Variants in IKZF4 observed in about 807,000 individuals in gnomAD.
IKZF4 encodes zinc finger protein Eos.
A neutral mutation model predicts 47.7 loss-of-function variants in IKZF4; 11 were observed. The observed-to-expected ratio is 0.23, with a 90% confidence interval of 0.15 to 0.38. The LOEUF (loss-of-function observed/expected upper bound fraction) is 0.38, where lower values mean the gene tolerates loss of function less well. Ranked by LOEUF, IKZF4 falls within the 10% of genes least tolerant of loss-of-function variation. The probability of loss-of-function intolerance (pLI) is 1.00; values close to 1 mark genes in which losing one functional copy is unlikely to be tolerated. For missense variants in IKZF4, 557 were observed against 784.9 expected (o/e 0.71, Z 3.47); for synonymous variants, 298 against 299.4 (o/e 1.00, Z 0.05).
At chr12:56,023,179 C>T (rs753800964) in intron 1 of IKZF4, among the ~76,000 whole-genome samples, 3 of 152,196 alleles carry the variant, frequency 2.0e-5, no homozygotes, top group Non-Finnish European at 2.9e-5. Context: ...CAGCCTCAGC[C>T]GAATAAGCTG....
chr12:56,034,738 A>G lies in IKZF4; in HGVS notation c.1165A>G (p.Thr389Ala). 6.2e-7 allele frequency: 1 copy of G among 1,613,886 alleles called. No homozygotes were observed. The highest frequency in any genetic ancestry group is 2.2e-5 in the East Asian group (1 of 44,876). Residue 389 changes from threonine to alanine, a missense_variant, in exon 8 of 8, where the codon ACC becomes GCC. Coordinates refer to ENST00000547167, the MANE Select transcript of IKZF4 (RefSeq NM_022465.4). Reference sequence around the variant, plus strand: ...TCTGCGTCCCCTCCGCCTTCCACCCACCAATTGCATCTCAGAACTCACGCC... The same window carrying G: ...TCTGCGTCCCCTCCGCCTTCCACCCGCCAATTGCATCTCAGAACTCACGCC... ...EHLRPLRLPP[T>A]NCISELTPVI...
intron 6 of IKZF4, 104 bp from the exon 7 acceptor site, chr12:56,033,086 T>A: frequency 7.2e-7 from 1 of 1,394,782 alleles, no homozygotes; most frequent in South Asian, 1.3e-5. Context: ...AACTGGTATG[T>A]CCTTCCTTGG....
chr12:56,014,470 A>G (rs564117580), intron 2 of IKZF4, among the ~76,000 whole-genome samples: 2 of 152,330 alleles, frequency 1.3e-5, no homozygotes, highest in East Asian at 3.9e-4. Context: ...CCCTTCATTC[A>G]CACAGGCATT....
intron 3 of IKZF4, among the ~76,000 whole-genome samples, chr12:56,025,382 G>A (rs1316514048): frequency 2.0e-5 from 3 of 152,192 alleles, no homozygotes; most frequent in Admixed American, 1.3e-4. Flanking sequence ...AAAGAGGTAT[G>A]GGTGGGATTA....
intron 2 of IKZF4, among the ~76,000 whole-genome samples, chr12:56,012,770 T>C (rs1195342596): frequency 2.0e-5 from 3 of 152,132 alleles, no homozygotes; most frequent in Admixed American, 6.5e-5. Flanking sequence ...GTAATGTTGA[T>C]AGGAGAAAGC....
upstream of IKZF4, among the ~76,000 whole-genome samples, chr12:56,017,585 T>G (rs779547622): frequency 1.3e-5 from 2 of 152,154 alleles, no homozygotes; most frequent in Non-Finnish European, 2.9e-5. Flanking sequence ...CACTCTGGAT[T>G]AAGATAGTGT....
At chr12:56,015,519 G>A (rs768542531) in intron 2 of IKZF4, among the ~76,000 whole-genome samples, 2 of 151,848 alleles carry the variant, frequency 1.3e-5, no homozygotes, top group Admixed American at 6.6e-5. Flanking sequence ...TCAGCCTCCC[G>A]AGTAGATGGG....
rs769701154 is a variant in IKZF4 at position 56,027,016 on chromosome 12, C to G, written c.522C>G (p.Leu174=). 19 of 1,562,338 alleles carry G rather than the reference C, an allele frequency of 1.2e-5. No homozygotes were observed. The highest frequency in any genetic ancestry group is 1.6e-5 in the Non-Finnish European group (19 of 1,151,832). ...TGGTCTGTATTGGACCCAACGTGCTCATGGTGCACAAGCGCAGTCACACTG... is the reference window on the plus strand; with the variant it reads ...TGGTCTGTATTGGACCCAACGTGCTGATGGTGCACAAGCGCAGTCACACTG... ...CGMVCIGPNV[L]MVHKRSHTGE... is the part of the protein sequence containing the mutation. Residue 174 remains leucine (L), a synonymous_variant, in exon 4 of 8, where the codon CTC becomes CTG. Coordinates refer to ENST00000547167, the MANE Select transcript of IKZF4 (RefSeq NM_022465.4).
At chr12:56,013,549 T>A (rs1183898764) in intron 2 of IKZF4, among the ~76,000 whole-genome samples, 1 of 152,156 alleles carries the variant, frequency 6.6e-6, no homozygotes, top group Non-Finnish European at 1.5e-5. Flanking sequence ...GATACAAAAC[T>A]GTCTCATGTA....
At chr12:56,008,545 T>G (rs1178710855) in intron 1 of IKZF4, among the ~76,000 whole-genome samples, 2 of 152,068 alleles carry the variant, frequency 1.3e-5, no homozygotes, top group African/African-American at 4.8e-5. Flanking sequence ...TTAAAAAAAA[T>G]TATGACTAGT....
intron 5 of IKZF4, among the ~76,000 whole-genome samples, chr12:56,028,614 A>T (rs982788777): frequency 1.3e-5 from 2 of 148,648 alleles, no homozygotes; most frequent in African/African-American, 5.0e-5. Context: ...ACGGTGTCTC[A>T]CACTGTTGCC....
In IKZF4 at chr12:56,025,093, C is replaced by A. The variant is rs1169281367; in HGVS notation, c.221C>A (p.Ala74Asp). 6.2e-7 allele frequency: 1 copy of A among 1,602,222 alleles called. No homozygotes were observed. Among genetic ancestry groups the A allele is most frequent in the South Asian group, 1.1e-5 (1 of 88,728 alleles). The part of the protein sequence containing the change: ...DSSLEKEFLG[A>D]PVGPSVSTPN... ...TCTCTGGAGAAGGAGTTCCTCGGGG[C>A]CCCAGTGGGGCCCTCGGTGAGCACC... Residue 74 changes from alanine (A) to aspartate (D), a missense_variant, in exon 3 of 8, where the codon GCC (alanine) becomes GAC (aspartate). By Grantham distance (126) the Ala-to-Asp change is moderately radical. Transcript: ENST00000547167.
At chr12:56,014,187 A>G (rs2136559129) in intron 2 of IKZF4, among the ~76,000 whole-genome samples, 1 of 151,938 alleles carries the variant, frequency 6.6e-6, no homozygotes, top group East Asian at 1.9e-4. Context: ...GAAAAGAAAC[A>G]AACAAACAAA....
chr12:56,023,744 T>C lies in IKZF4; in HGVS notation c.161T>C (p.Met54Thr). ...GCCCAAGACTCCAACCATTTTATAA[T>C]GGAATCTTTATTTTGTGAAAGTAAG... ...PQAQDSNHFI[M>T]ESLFCESSGD... The change falls in exon 2 of 8, where the codon ATG becomes ACG. Residue 54 changes from methionine (M) to threonine (T), a missense_variant. Transcript: ENST00000547167. 1 of 1,613,900 alleles carries C rather than the reference T, an allele frequency of 6.2e-7. No individual in the cohort carries two copies. Among genetic ancestry groups the C allele is most frequent in the South Asian group, 1.1e-5 (1 of 91,058 alleles).
intron 2 of IKZF4, among the ~76,000 whole-genome samples, chr12:56,015,164 T>C (rs1891861442): frequency 6.6e-6 from 1 of 151,744 alleles, no homozygotes; most frequent in African/African-American, 2.4e-5. Flanking sequence ...GCAACCTCTG[T>C]CTCCCGGGTT....
At chr12:56,015,818 G>A (rs915871740) in intron 2 of IKZF4, among the ~76,000 whole-genome samples, 1 of 152,114 alleles carries the variant, frequency 6.6e-6, no homozygotes, top group African/African-American at 2.4e-5. Flanking sequence ...CTCAAGTTTT[G>A]TGGCTAGTTC....
At position 56,024,220 on chromosome 12, in the gene IKZF4, T is replaced by C. The variant is rs187833021; in HGVS notation, c.181+456T>C. On this transcript the variant is annotated intron_variant, in intron 2 of 7. Coordinates refer to ENST00000547167, the MANE Select transcript of IKZF4 (RefSeq NM_022465.4). ...ACTGAGAATAAGTTGATCACTTAAC[T>C]GTCAATGAATATCAAATAGTAAACA... Among the ~76,000 whole-genome samples the C allele has an allele frequency of 8.1e-4, 124 of 152,346 alleles. 1 individual carries two copies. Among genetic ancestry groups the C allele is most frequent in the Admixed American group, 4.1e-3 (62 of 15,298 alleles).
chr12:56,031,370 T>A, intron 5 of IKZF4, among the ~76,000 whole-genome samples: 1 of 152,326 alleles, frequency 6.6e-6, no homozygotes, highest in East Asian at 1.9e-4. Context: ...TAAACATGTA[T>A]AATTATTATG....
At chr12:56,034,147 C>T (rs1215071631) in intron 7 of IKZF4, among the ~76,000 whole-genome samples, 2 of 152,050 alleles carry the variant, frequency 1.3e-5, no homozygotes, top group Non-Finnish European at 2.9e-5. Context: ...ATGATCTGCC[C>T]GCCTCAGCCT....
Sources: gnomAD v4.1 joint callset for allele counts (sites outside exome capture counted in the v4.1 genomes callset) on GRCh38, gnomAD v4.1.1 for gene constraint, MANE v1.5 for transcripts, NCBI Gene and HGNC (gene_info 2026-07-23, HGNC 2026-07-21) for gene names.